The following SUCLG2 variants were observed in gnomAD, a reference collection of about 807,000 sequenced individuals.
SUCLG2 encodes succinate-CoA ligase GDP-forming subunit beta, also known as succinate--CoA ligase [GDP-forming] subunit beta, mitochondrial.
SUCLG2 carries 42 observed loss-of-function variants against 47.9 expected under a neutral mutation model. The observed-to-expected ratio is 0.88, with a 90% CI of 0.69 to 1.14. SUCLG2 has a LOEUF of 1.14. SUCLG2 is among the 50% of genes most tolerant of loss of function. SUCLG2 has a pLI of 0.00. For synonymous variants in SUCLG2, 195 were observed against 197.3 expected, an observed-to-expected ratio of 0.99 and a Z score of 0.10; for missense variants, 571 against 525.9, an observed-to-expected ratio of 1.09 and a Z score of -0.84.
intron 2 of SUCLG2, among the ~76,000 whole-genome samples, chr3:67,543,340 G>C (rs537853662): frequency 6.6e-6 from 1 of 152,102 alleles, no homozygotes; most frequent in Admixed American, 6.6e-5. Context: ...TTACATAGTC[G>C]TAATAAAATC....
At chr3:67,412,998 T>G (rs896856681) in intron 9 of SUCLG2, among the ~76,000 whole-genome samples, 2 of 152,054 alleles carry the variant, frequency 1.3e-5, no homozygotes, top group Non-Finnish European at 2.9e-5. Flanking sequence ...GGTTACACAA[T>G]AAAATAAAAG....
intron 9 of SUCLG2, among the ~76,000 whole-genome samples, chr3:67,422,349 C>T (rs1325411538): frequency 6.6e-6 from 1 of 151,320 alleles, no homozygotes; most frequent in African/African-American, 2.4e-5. Flanking sequence ...GTGGTGTGCG[C>T]CTGTAGCCCC....
At chr3:67,421,780 T>C (rs1350647228) in intron 9 of SUCLG2, among the ~76,000 whole-genome samples, 1 of 152,160 alleles carries the variant, frequency 6.6e-6, no homozygotes, top group Non-Finnish European at 1.5e-5. Context: ...AAATGAAGAA[T>C]GAAGACAAAA....
chr3:67,425,906 T>C (rs372966996), intron 9 of SUCLG2, among the ~76,000 whole-genome samples: 1 of 152,364 alleles, frequency 6.6e-6, no homozygotes, highest in Non-Finnish European at 1.5e-5. Flanking sequence ...TAGCCTCAAA[T>C]AGAGACTTGT....
chr3:67,378,902 C>T (rs1268539462), intron 10 of SUCLG2, among the ~76,000 whole-genome samples: 1 of 152,160 alleles, frequency 6.6e-6, no homozygotes, highest in Non-Finnish European at 1.5e-5. Flanking sequence ...CCCTGATGGA[C>T]ACAGGAGCAA....
chr3:67,464,329 TGGG>T (rs1286627407), intron 9 of SUCLG2, among the ~76,000 whole-genome samples: 6 of 152,286 alleles, frequency 3.9e-5, no homozygotes, highest in African/African-American at 1.4e-4. Flanking sequence ...GAAGCCCTCA[TGGG>T]TGTGCAATTT....
intron 9 of SUCLG2, among the ~76,000 whole-genome samples, chr3:67,461,759 C>T (rs894278617): frequency 3.9e-5 from 6 of 152,046 alleles, no homozygotes; most frequent in African/African-American, 1.4e-4. Flanking sequence ...GCCAAATGTC[C>T]CCTGGGAGGT....
chr3:67,619,491 TG>T (rs1700694738), intron 1 of SUCLG2, among the ~76,000 whole-genome samples: 1 of 152,134 alleles, frequency 6.6e-6, no homozygotes, highest in Non-Finnish European at 1.5e-5. Flanking sequence ...TGAAGTCAAC[TG>T]GGGCAAAAGA....
intron 1 of SUCLG2, among the ~76,000 whole-genome samples, chr3:67,644,841 C>T (rs1254635574): frequency 6.7e-6 from 1 of 148,236 alleles, no homozygotes; most frequent in African/African-American, 2.5e-5. Flanking sequence ...TGCCACCTCC[C>T]TCAACACCCT....
intron 9 of SUCLG2, among the ~76,000 whole-genome samples, chr3:67,494,181 T>C (rs562197014): frequency 6.6e-6 from 1 of 152,316 alleles, no homozygotes; most frequent in South Asian, 2.1e-4. Context: ...AATGGGAAGC[T>C]TCCATATTTA....
At chr3:67,644,884 A>T (rs986524871) in intron 1 of SUCLG2, among the ~76,000 whole-genome samples, 2 of 152,126 alleles carry the variant, frequency 1.3e-5, no homozygotes, top group Admixed American at 1.3e-4. Flanking sequence ...CTTTGTGTCA[A>T]TAATTAATTT....
intron 9 of SUCLG2, among the ~76,000 whole-genome samples, chr3:67,442,353 G>A (rs975091897): frequency 5.9e-5 from 9 of 152,170 alleles, no homozygotes; most frequent in African/African-American, 2.2e-4. Flanking sequence ...CCAGAACAGT[G>A]GTTCTCAAAC....
intron 9 of SUCLG2, among the ~76,000 whole-genome samples, chr3:67,451,933 A>C (rs541995175): frequency 3.3e-5 from 5 of 152,300 alleles, no homozygotes; most frequent in Non-Finnish European, 1.5e-5. Flanking sequence ...GAGGACCAGG[A>C]TAACTGAAAG....
chr3:67,527,132 TACA>T (rs946503479), intron 4 of SUCLG2, among the ~76,000 whole-genome samples: 1 of 152,180 alleles, frequency 6.6e-6, no homozygotes, highest in Non-Finnish European at 1.5e-5. Flanking sequence ...TACTGATAAA[TACA>T]ACAACTTAAG....
At chr3:67,615,353 G>A (rs1700605742) in intron 1 of SUCLG2, among the ~76,000 whole-genome samples, 2 of 151,896 alleles carry the variant, frequency 1.3e-5, no homozygotes, top group Non-Finnish European at 1.5e-5. Context: ...GGGGAGGTGG[G>A]GGAATCAACA....
In SUCLG2 at chr3:67,378,614, C is replaced by G. The variant is rs570484995; in HGVS notation, c.1184-2755G>C. Among the ~76,000 whole-genome samples, 46 of 152,266 alleles carry G rather than the reference C, an allele frequency of 3.0e-4. 1 individual carries two copies. The highest frequency in any genetic ancestry group is 9.9e-4 in the African/African-American group (41 of 41,546). On this transcript the variant is annotated intron_variant, in intron 10 of 10. Transcript: ENST00000307227. ...ACTGTGATTGCAGCCTTGTGAGAGA[C>G]CCTGAGTGAGAGGATCCACCTAAGC...
chr3:67,477,233 G>T (rs961048457), intron 9 of SUCLG2, among the ~76,000 whole-genome samples: 1 of 152,096 alleles, frequency 6.6e-6, no homozygotes, highest in South Asian at 2.1e-4. Flanking sequence ...CTGGAGTAAG[G>T]TCTGGGTATG....
intron 2 of SUCLG2, among the ~76,000 whole-genome samples, chr3:67,533,050 G>A (rs900307056): frequency 6.6e-6 from 1 of 152,164 alleles, no homozygotes; most frequent in East Asian, 1.9e-4. Context: ...TTTGTAAAAT[G>A]TGGTTCACTT....
chr3:67,615,092 CAT>C (rs1231193961), intron 1 of SUCLG2, among the ~76,000 whole-genome samples: 1 of 151,868 alleles, frequency 6.6e-6, no homozygotes, highest in Non-Finnish European at 1.5e-5. Flanking sequence ...AAAAGCAACA[CAT>C]AAAGATTTAA....
Sources: gnomAD v4.1 joint callset for allele counts (sites outside exome capture counted in the v4.1 genomes callset) on GRCh38, gnomAD v4.1.1 for gene constraint, MANE v1.5 for transcripts, NCBI Gene and HGNC (gene_info 2026-07-23, HGNC 2026-07-21) for gene names.